The following RPRD1B variants were observed in gnomAD, a reference collection of about 807,000 sequenced individuals.
RPRD1B encodes regulation of nuclear pre-mRNA domain-containing protein 1B.
A neutral mutation model predicts 41.5 loss-of-function variants in RPRD1B; 11 were observed. That is an observed-to-expected ratio of 0.27 (90% confidence interval 0.17 to 0.44). The LOEUF (loss-of-function observed/expected upper bound fraction) is 0.44. RPRD1B is among the 20% of genes least tolerant of loss of function. The probability of loss-of-function intolerance (pLI) is 1.00; values close to 1 mark genes in which losing one functional copy is unlikely to be tolerated. For synonymous variants in RPRD1B, 158 were observed against 155.6 expected (o/e 1.02, Z -0.12); for missense variants, 248 against 389.9 (o/e 0.64, Z 3.06).
At position 38,090,454 on chromosome 20, in the gene RPRD1B, G is replaced by C; in HGVS notation, c.*579G>C. 1.0e-6 allele frequency: 1 copy of C among 985,932 alleles called. No homozygotes were observed. Among genetic ancestry groups the C allele is most frequent in the Non-Finnish European group, 1.2e-6 (1 of 830,016 alleles). 61.1% of individuals were successfully genotyped at this position (985,932 alleles called of 1,614,324 possible). ...TCTCCTAGTGATGCACGAAGATTAG[G>C]TGCATTTATTTTGTAAACAGATTGG... is the stretch of plus-strand genomic sequence containing the variant. On this transcript the variant is annotated 3_prime_UTR_variant, in exon 7 of 7. Coordinates refer to ENST00000373433, the MANE Select transcript of RPRD1B (RefSeq NM_021215.4).
intron 1 of RPRD1B, 95 bp downstream of exon 1, chr20:38,034,193 C>A: frequency 7.6e-7 from 1 of 1,320,564 alleles, no homozygotes; most frequent in Non-Finnish European, 1.0e-6. Flanking sequence ...TTGAGCCTTG[C>A]TTTCCAGGCC....
rs1208439958 is a variant in RPRD1B, at chr20:38,084,140, G to A, written c.832-5586G>A. Among the ~76,000 whole-genome samples the A allele has an allele frequency of 3.9e-5, 6 of 152,290 alleles. No individual in the cohort carries two copies. In the East Asian group the frequency reaches 1.2e-3, roughly 29 times the overall value. ...GCCTCCTGGCAGGATGAGGGGGCTT[G>A]GCGGGTGTGTTAAATATTGGTGGGG... is the stretch of plus-strand genomic sequence containing the variant. On this transcript the variant is annotated intron_variant, in intron 6 of 6. Transcript: ENST00000373433.
intron 6 of RPRD1B, among the ~76,000 whole-genome samples, chr20:38,084,988 C>CT (rs770182250): frequency 9.2e-5 from 14 of 152,222 alleles, no homozygotes; most frequent in Non-Finnish European, 1.8e-4. Context: ...CCCCCCACGG[C>CT]TCTTCTGGGC....
intron 6 of RPRD1B, among the ~76,000 whole-genome samples, chr20:38,077,130 C>T (rs375120801): frequency 6.6e-5 from 10 of 151,728 alleles, no homozygotes; most frequent in African/African-American, 1.9e-4. Context: ...GTTGACCAGG[C>T]GAGTCTTGAA....
chr20:38,052,047 G>A lies in RPRD1B; in HGVS notation c.415+3566G>A, dbSNP rs76704879. 2.1e-3 allele frequency among the ~76,000 whole-genome samples: 327 copies of A among 152,214 alleles called. 5 individuals are homozygous for A. In the East Asian group the frequency reaches 0.057, roughly 27 times the overall value. On this transcript the variant is annotated intron_variant, in intron 3 of 6. Coordinates refer to ENST00000373433, the MANE Select transcript of RPRD1B (RefSeq NM_021215.4). ...ATTACAGGCATGAGCCACCACACCC[G>A]GCCCCTAGCTGTCATTTCTAAAGCT...
chr20:38,064,528 T>G (rs925465043), intron 5 of RPRD1B, among the ~76,000 whole-genome samples: 6 of 152,222 alleles, frequency 3.9e-5, no homozygotes, highest in African/African-American at 1.4e-4. Flanking sequence ...CATTCAGGTC[T>G]TTTAAAAATG....
chr20:38,066,563 A>C (rs1219130442), intron 6 of RPRD1B, among the ~76,000 whole-genome samples: 2 of 152,268 alleles, frequency 1.3e-5, no homozygotes, highest in East Asian at 3.8e-4. Flanking sequence ...GAATTGAGGT[A>C]CAAAAAGGAT....
intron 3 of RPRD1B, among the ~76,000 whole-genome samples, chr20:38,053,463 A>G (rs560104254): frequency 5.9e-5 from 9 of 152,292 alleles, no homozygotes; most frequent in Admixed American, 5.2e-4. Context: ...GCAGGGATGT[A>G]GAGGAATAAG....
At position 38,057,588 on chromosome 20, in the gene RPRD1B, G is replaced by A. The variant is rs1446453046; in HGVS notation, c.472G>A (p.Asp158Asn). 5 of 1,614,122 alleles carry A rather than the reference G, an allele frequency of 3.1e-6. No individual in the cohort carries two copies. Among genetic ancestry groups the A allele is most frequent in the Non-Finnish European group, 3.4e-6 (4 of 1,179,996 alleles). ...RTFQQIQEEEDDDYPGSYSPQ... is the reference protein window; with the variant it reads ...RTFQQIQEEENDDYPGSYSPQ... ...TTTTCAGCAAATTCAGGAGGAGGAG[G>A]ATGACGACTACCCTGGCAGCTACTC... The change falls in exon 4 of 7, where the codon GAT becomes AAT. Residue 158 changes from aspartate (D) to asparagine (N), a missense_variant. Asp to Asn is a conservative substitution (Grantham distance 23). This residue lies in a region of RPRD1B where 94 missense variants were observed against 82.3 expected (regional missense o/e 1.14). Transcript: ENST00000373433.
intron 5 of RPRD1B, among the ~76,000 whole-genome samples, chr20:38,060,112 A>G (rs2074282938): frequency 6.6e-6 from 1 of 152,168 alleles, no homozygotes; most frequent in Non-Finnish European, 1.5e-5. Flanking sequence ...TTGCACCGGT[A>G]CTTCTGTTCT....
At chr20:38,085,084 G>T (rs188428886) in intron 6 of RPRD1B, among the ~76,000 whole-genome samples, 1 of 152,288 alleles carries the variant, frequency 6.6e-6, no homozygotes, top group East Asian at 1.9e-4. Context: ...TAATGCGTGC[G>T]CTGGAGAGGA....
chr20:38,075,528 T>C (rs930667766), intron 6 of RPRD1B, among the ~76,000 whole-genome samples: 3 of 152,238 alleles, frequency 2.0e-5, no homozygotes, highest in Non-Finnish European at 2.9e-5. Flanking sequence ...GTGCAAGTTA[T>C]TTTGAGCAAG....
rs1056847299 is a variant in RPRD1B, at chr20:38,070,907, T to C, written c.831+4651T>C. 1.2e-4 allele frequency among the ~76,000 whole-genome samples: 19 copies of C among 152,098 alleles called. 1 individual carries two copies. Among genetic ancestry groups the C allele is most frequent in the Admixed American group, 1.1e-3 (17 of 15,282 alleles). On this transcript the variant is annotated intron_variant, in intron 6 of 6. Transcript: ENST00000373433. ...CCACCACACCCAGCTAATTTTTGTA[T>C]TTTTAGTAGAGATGGGGTTTTGCCA...
At chr20:38,074,719 C>T (rs571107468) in intron 6 of RPRD1B, among the ~76,000 whole-genome samples, 1 of 152,192 alleles carries the variant, frequency 6.6e-6, no homozygotes. Flanking sequence ...AGAACATTCA[C>T]TCTGGTTCAA....
intron 6 of RPRD1B, among the ~76,000 whole-genome samples, chr20:38,088,165 G>A (rs2074579674): frequency 6.6e-6 from 1 of 152,174 alleles, no homozygotes; most frequent in Non-Finnish European, 1.5e-5. Flanking sequence ...GTAATGGGGA[G>A]AGGATATGCC....
chr20:38,052,131 T>C (rs189090403), intron 3 of RPRD1B, among the ~76,000 whole-genome samples: 4 of 152,322 alleles, frequency 2.6e-5, no homozygotes, highest in African/African-American at 4.8e-5. Flanking sequence ...CTGTACAATA[T>C]GGCTATTAAT....
At chr20:38,075,785 G>C (rs1044074471) in intron 6 of RPRD1B, among the ~76,000 whole-genome samples, 5 of 152,204 alleles carry the variant, frequency 3.3e-5, no homozygotes, top group African/African-American at 1.2e-4. Flanking sequence ...AACCTTTGCA[G>C]ATGAAAGCCA....
At chr20:38,076,865 T>C (rs2074465330) in intron 6 of RPRD1B, among the ~76,000 whole-genome samples, 1 of 151,640 alleles carries the variant, frequency 6.6e-6, no homozygotes, top group Non-Finnish European at 1.5e-5. Context: ...ATGCCTTTAT[T>C]GTAAATGTTG....
chr20:38,040,646 T>G, intron 2 of RPRD1B, 82 bp downstream of exon 2: 1 of 1,445,904 alleles, frequency 6.9e-7, no homozygotes. Flanking sequence ...GTGATAGCCT[T>G]TGTAAATTGA....
Sources: gnomAD v4.1 joint callset for allele counts (sites outside exome capture counted in the v4.1 genomes callset) on GRCh38, gnomAD v4.1.1 for gene constraint, gnomAD v4.1.1 regional missense constraint, MANE v1.5 for transcripts, NCBI Gene and HGNC (gene_info 2026-07-23, HGNC 2026-07-21) for gene names.